Variants in POLR1D observed in about 807,000 individuals in gnomAD.
POLR1D encodes DNA-directed RNA polymerases I and III subunit RPAC2.
POLR1D carries 8 observed loss-of-function variants against 10.8 expected under a neutral mutation model. That is an observed-to-expected ratio of 0.74 (90% CI 0.43 to 1.33). The LOEUF is 1.33. POLR1D is among the 40% of genes most tolerant of loss of function. The pLI, the probability that POLR1D is intolerant of heterozygous loss-of-function variation, is 0.01. For missense variants in POLR1D, 152 were observed against 161.7 expected (o/e 0.94, Z 0.32); for synonymous variants, 54 against 57.2 (o/e 0.94, Z 0.25).
At chr13:27,622,151 T>C (rs1243883854) in intron 1 of POLR1D, 142 bp downstream of exon 1, 1 of 728,728 alleles carries the variant, frequency 1.4e-6, no homozygotes, top group Admixed American at 2.2e-5. Context: ...GGAGGAGACA[T>C]GAATGTGTTT....
At chr13:27,643,929 T>C (rs1956197057) in intron 1 of POLR1D, among the ~76,000 whole-genome samples, 1 of 152,224 alleles carries the variant, frequency 6.6e-6, no homozygotes, top group Admixed American at 6.5e-5. Flanking sequence ...AGTAGTCTTA[T>C]TAAGCAATGT....
chr13:27,622,128 G>A (rs1955942551), intron 1 of POLR1D, 119 bp downstream of exon 1: 2 of 833,276 alleles, frequency 2.4e-6, no homozygotes, highest in Non-Finnish European at 4.0e-6. Flanking sequence ...AAGAAGCATG[G>A]AGAGAGAAGT....
chr13:27,626,139 G>A (rs1956006644), downstream of POLR1D, among the ~76,000 whole-genome samples: 1 of 152,170 alleles, frequency 6.6e-6, no homozygotes, highest in South Asian at 2.1e-4. Flanking sequence ...ATGTGGAAAA[G>A]GATTAAAAAC....
exon 3 of POLR1D, chr13:27,665,973 C>A: frequency 6.2e-7 from 1 of 1,612,598 alleles, no homozygotes; most frequent in Non-Finnish European, 8.5e-7. Context: ...CAGGGCCAGC[C>A]AGCCCTGCGG....
chr13:27,652,833 C>T (rs1347161965), intron 2 of POLR1D, among the ~76,000 whole-genome samples: 1 of 149,496 alleles, frequency 6.7e-6, no homozygotes, highest in Non-Finnish European at 1.5e-5. Context: ...CACCACTGCA[C>T]TCCAGCCTGG....
chr13:27,635,582 A>G (rs1427783710), intron 1 of POLR1D, among the ~76,000 whole-genome samples: 2 of 151,908 alleles, frequency 1.3e-5, no homozygotes, highest in African/African-American at 2.4e-5. Flanking sequence ...TTTAGTTAAC[A>G]TACATAACTA....
intron 2 of POLR1D, among the ~76,000 whole-genome samples, chr13:27,649,167 T>A (rs1358093021): frequency 6.6e-6 from 1 of 152,188 alleles, no homozygotes; most frequent in African/African-American, 2.4e-5. Flanking sequence ...AAAAACGTAC[T>A]GCAATGGAAT....
At chr13:27,659,179 A>G (rs1956334577) in intron 2 of POLR1D, among the ~76,000 whole-genome samples, 1 of 152,182 alleles carries the variant, frequency 6.6e-6, no homozygotes, top group African/African-American at 2.4e-5. Flanking sequence ...GTGTTTATTT[A>G]TTTATATAAA....
At chr13:27,657,011 G>T (rs1956313943) in intron 2 of POLR1D, among the ~76,000 whole-genome samples, 1 of 152,048 alleles carries the variant, frequency 6.6e-6, no homozygotes, top group Non-Finnish European at 1.5e-5. Flanking sequence ...TCCTCTATTG[G>T]CCAGGTCAGG....
chr13:27,642,048 C>T (rs756461325), intron 1 of POLR1D, among the ~76,000 whole-genome samples: 2 of 152,148 alleles, frequency 1.3e-5, no homozygotes, highest in Non-Finnish European at 2.9e-5. Context: ...CACTCCAACA[C>T]TAGGCGCTGT....
At chr13:27,644,157 T>C (rs919555239) in intron 1 of POLR1D, among the ~76,000 whole-genome samples, 1 of 152,188 alleles carries the variant, frequency 6.6e-6, no homozygotes, top group Non-Finnish European at 1.5e-5. Flanking sequence ...ATTTGAGATT[T>C]AGCTTCTCTG....
intron 1 of POLR1D, 77 bp from the exon 2 acceptor site, chr13:27,622,798 G>C: frequency 2.3e-6 from 2 of 883,268 alleles, no homozygotes; most frequent in Non-Finnish European, 3.7e-6. Context: ...GTTGCAATGT[G>C]ATATAGTAAA....
chr13:27,625,064 G>GTA (rs1478938978), downstream of POLR1D, among the ~76,000 whole-genome samples: 1 of 152,178 alleles, frequency 6.6e-6, no homozygotes, highest in Non-Finnish European at 1.5e-5. Flanking sequence ...CATTCTGGGG[G>GTA]TATAGCATGT....
chr13:27,631,943 T>C (rs371330165), intron 1 of POLR1D, among the ~76,000 whole-genome samples: 5 of 152,212 alleles, frequency 3.3e-5, no homozygotes, highest in African/African-American at 1.2e-4. Flanking sequence ...AGACAAAAAA[T>C]TATTGAGTGG....
chr13:27,622,236 A>C, intron 1 of POLR1D: 1 of 599,956 alleles, frequency 1.7e-6, no homozygotes, highest in South Asian at 1.9e-5. Flanking sequence ...AAGTATCCGA[A>C]CTGCCCACCC....
chr13:27,640,606 G>A (rs1956164266), intron 1 of POLR1D, among the ~76,000 whole-genome samples: 1 of 152,082 alleles, frequency 6.6e-6, no homozygotes, highest in Non-Finnish European at 1.5e-5. Flanking sequence ...TGAAACAGCT[G>A]CACCTGGAAA....
intron 2 of POLR1D, among the ~76,000 whole-genome samples, chr13:27,657,000 A>C (rs888848455): frequency 6.6e-6 from 1 of 152,164 alleles, no homozygotes; most frequent in African/African-American, 2.4e-5. Flanking sequence ...AATGCATGTA[A>C]TCCTCTATTG....
At chr13:27,631,531 C>T (rs139922310) in intron 1 of POLR1D, among the ~76,000 whole-genome samples, 5 of 152,174 alleles carry the variant, frequency 3.3e-5, no homozygotes, top group South Asian at 2.1e-4. Flanking sequence ...CTTACCCATC[C>T]GCCTTCTCTA....
intron 2 of POLR1D, among the ~76,000 whole-genome samples, chr13:27,657,530 AAATAAAAAATG>A (rs1390347729): frequency 2.0e-5 from 3 of 152,172 alleles, no homozygotes; most frequent in East Asian, 3.9e-4. Context: ...CATCTCAAAA[AAATAAAAAATG>A]AATAAAAAAT....
Sources: gnomAD v4.1 joint callset for allele counts (sites outside exome capture counted in the v4.1 genomes callset) on GRCh38, gnomAD v4.1.1 for gene constraint, MANE v1.5 for transcripts, NCBI Gene and HGNC (gene_info 2026-07-23, HGNC 2026-07-21) for gene names.